MSRA: variants seen among roughly 807,000 people sequenced by gnomAD.
MSRA encodes the protein methionine sulfoxide reductase A.
MSRA carries 54 observed loss-of-function variants against 31.3 expected under a neutral mutation model. The ratio of observed to expected loss-of-function variants is 1.73; its 90% CI spans 1.39 to 2.17. MSRA has a LOEUF of 2.17. Among genes scored for constraint, MSRA ranks in the 30% most tolerant of loss-of-function variants. The pLI, the probability that MSRA is intolerant of heterozygous loss-of-function variation, is 0.00. For synonymous variants in MSRA, 169 were observed against 116.5 expected (o/e 1.45, Z -2.90); for missense variants, 507 against 300.9 (o/e 1.69, Z -5.07).
intron 2 of MSRA, among the ~76,000 whole-genome samples, chr8:10,226,677 A>G (rs1811028795): frequency 1.3e-5 from 2 of 152,180 alleles, no homozygotes; most frequent in African/African-American, 2.4e-5. Flanking sequence ...ACTGGGTGCC[A>G]TATGTGTGCA....
intron 3 of MSRA, among the ~76,000 whole-genome samples, chr8:10,288,090 G>C (rs1800032622): frequency 6.6e-6 from 1 of 152,200 alleles, no homozygotes; most frequent in Non-Finnish European, 1.5e-5. Flanking sequence ...CCATACAAAA[G>C]TGAAAATGAG....
chr8:10,307,211 T>G (rs2129129184), intron 4 of MSRA, among the ~76,000 whole-genome samples: 1 of 150,516 alleles, frequency 6.6e-6, no homozygotes, highest in Non-Finnish European at 1.5e-5. Context: ...CTCTGTCACC[T>G]AGGCTGGAGT....
At chr8:10,075,916 C>G (rs898859722) in intron 1 of MSRA, among the ~76,000 whole-genome samples, 1 of 152,130 alleles carries the variant, frequency 6.6e-6, no homozygotes, top group Non-Finnish European at 1.5e-5. Flanking sequence ...GAAATGAATG[C>G]TTGCTTATTA....
At position 10,277,231 on chromosome 8, in the gene MSRA, C is replaced by T; in HGVS notation, c.332-24303C>T. Among the ~76,000 whole-genome samples the T allele has an allele frequency of 2.6e-5, 4 of 152,260 alleles. No individual in the cohort carries two copies. The Middle Eastern group carries it at 0.014, about 518-fold the overall frequency. On this transcript the variant is annotated intron_variant, in intron 3 of 5. Coordinates refer to ENST00000317173, the MANE Select transcript of MSRA (RefSeq NM_012331.5). The stretch of plus-strand genomic sequence containing the variant: ...TAATCTAAGTCTCGTATCTTTTTCT[C>T]CTTACAATAATTTAGCTAATGAAAG...
chr8:10,356,763 C>G (rs922522711), intron 5 of MSRA, among the ~76,000 whole-genome samples: 1 of 152,070 alleles, frequency 6.6e-6, no homozygotes, highest in Non-Finnish European at 1.5e-5. Context: ...TTCCTAGCCT[C>G]CAGAACTGTG....
chr8:10,251,804 C>A (rs1188410661), intron 3 of MSRA, among the ~76,000 whole-genome samples: 3 of 151,308 alleles, frequency 2.0e-5, no homozygotes, highest in Non-Finnish European at 4.4e-5. Context: ...CCTCAATCAC[C>A]AGAAATAGCA....
intron 3 of MSRA, 71 bp from the exon 4 acceptor site, chr8:10,301,463 T>G (rs938731551): frequency 3.4e-5 from 41 of 1,214,946 alleles, no homozygotes; most frequent in Non-Finnish European, 4.6e-5. Context: ...GTTGTTTTTT[T>G]TGTGAACAAA....
chr8:10,295,041 G>C, intron 3 of MSRA, among the ~76,000 whole-genome samples: 1 of 152,148 alleles, frequency 6.6e-6, no homozygotes, highest in Non-Finnish European at 1.5e-5. Context: ...GAGTTTATTA[G>C]GACTTACATA....
intron 1 of MSRA, among the ~76,000 whole-genome samples, chr8:10,154,578 C>T (rs747278606): frequency 5.9e-5 from 9 of 152,176 alleles, no homozygotes; most frequent in African/African-American, 1.7e-4. Flanking sequence ...AGGATTTCAC[C>T]GTGTTAGTCA....
intron 5 of MSRA, among the ~76,000 whole-genome samples, chr8:10,422,735 G>A (rs1258261172): frequency 3.9e-5 from 6 of 152,176 alleles, no homozygotes; most frequent in African/African-American, 1.4e-4. Flanking sequence ...GTACAGCCCT[G>A]GGGGTACCTG....
At chr8:10,293,324 G>A (rs909321927) in intron 3 of MSRA, among the ~76,000 whole-genome samples, 4 of 152,206 alleles carry the variant, frequency 2.6e-5, no homozygotes, top group African/African-American at 9.7e-5. Flanking sequence ...CAACAACAAA[G>A]ATGAGCTACT....
At chr8:10,409,987 G>C (rs923340320) in intron 5 of MSRA, among the ~76,000 whole-genome samples, 1 of 152,202 alleles carries the variant, frequency 6.6e-6, no homozygotes, top group East Asian at 1.9e-4. Flanking sequence ...TGGAGCCCAG[G>C]AGTTTGAGGC....
chr8:10,347,033 A>G (rs1176538347), intron 5 of MSRA, among the ~76,000 whole-genome samples: 1 of 152,094 alleles, frequency 6.6e-6, no homozygotes, highest in African/African-American at 2.4e-5. Context: ...ACACCCCATC[A>G]TTCTGGCTGA....
intron 1 of MSRA, among the ~76,000 whole-genome samples, chr8:10,138,254 C>T (rs1353851072): frequency 6.6e-6 from 1 of 152,108 alleles, no homozygotes; most frequent in African/African-American, 2.4e-5. Flanking sequence ...TCATTGGTGT[C>T]AGCTGGTTTC....
At chr8:10,081,560 G>A (rs892752346) in intron 1 of MSRA, among the ~76,000 whole-genome samples, 1 of 152,158 alleles carries the variant, frequency 6.6e-6, no homozygotes, top group African/African-American at 2.4e-5. Context: ...CGTGATCTCA[G>A]TTCACTGCAA....
At chr8:10,372,655 G>GA (rs1262696253) in intron 5 of MSRA, among the ~76,000 whole-genome samples, 1 of 152,138 alleles carries the variant, frequency 6.6e-6, no homozygotes, top group African/African-American at 2.4e-5. Context: ...ACTAAGATAT[G>GA]AAAAAACCAT....
intron 3 of MSRA, among the ~76,000 whole-genome samples, chr8:10,299,837 A>C (rs1299835021): frequency 6.6e-6 from 1 of 152,232 alleles, no homozygotes; most frequent in Non-Finnish European, 1.5e-5. Flanking sequence ...GCATCAAGAA[A>C]TTTAAAAATG....
chr8:10,330,750 C>A (rs780371310), intron 5 of MSRA, among the ~76,000 whole-genome samples: 1 of 152,202 alleles, frequency 6.6e-6, no homozygotes, highest in African/African-American at 2.4e-5. Flanking sequence ...GTCCCCAGTG[C>A]CTGGTGCTGT....
chr8:10,235,998 T>C (rs1475842997), intron 2 of MSRA, among the ~76,000 whole-genome samples: 1 of 152,168 alleles, frequency 6.6e-6, no homozygotes, highest in Non-Finnish European at 1.5e-5. Context: ...GTTAATGTAA[T>C]ATACTACCTT....
Sources: gnomAD v4.1 joint callset for allele counts (sites outside exome capture counted in the v4.1 genomes callset) on GRCh38, gnomAD v4.1.1 for gene constraint, MANE v1.5 for transcripts, NCBI Gene and HGNC (gene_info 2026-07-23, HGNC 2026-07-21) for gene names.